Variants in MTG1 observed in about 807,000 individuals in gnomAD.
MTG1 encodes mitochondrial ribosome-associated GTPase 1.
In MTG1, 30 loss-of-function variants were observed where a neutral mutation model predicts 39.5. The observed-to-expected ratio is 0.76, with a 90% CI of 0.57 to 1.03. MTG1 has a LOEUF of 1.03. Ranked by LOEUF, MTG1 falls within the 50% of genes least tolerant of loss-of-function variation. The pLI, the probability that MTG1 is intolerant of heterozygous loss-of-function variation, is 0.00. For synonymous variants in MTG1, 217 were observed against 179.0 expected, an observed-to-expected ratio of 1.21 and a Z score of -1.69; for missense variants, 513 against 447.4, an observed-to-expected ratio of 1.15 and a Z score of -1.32.
chr10:133,398,394 C>T (rs778280316), intron 3 of MTG1, 41 bp from the exon 4 acceptor site: 5 of 1,596,608 alleles, frequency 3.1e-6, no homozygotes, highest in South Asian at 1.1e-5. Context: ...AGCCAAGACT[C>T]CAGTAAAAAA....
intron 1 of MTG1, 154 bp downstream of exon 1, chr10:133,394,486 C>A (rs1375402431): frequency 1.5e-6 from 2 of 1,336,474 alleles, no homozygotes; most frequent in East Asian, 6.3e-5. Context: ...CGCTCTCACC[C>A]GCTCCCGGAG....
At chr10:133,398,370 A>G (rs1220679245) in intron 3 of MTG1, 65 bp from the exon 4 acceptor site, 3 of 1,539,654 alleles carry the variant, frequency 1.9e-6, no homozygotes, top group Admixed American at 1.8e-5. Context: ...ACTGCACTCC[A>G]GCCTGGGTGA....
At chr10:133,406,187 G>A (rs150433701) in intron 9 of MTG1, among the ~76,000 whole-genome samples, 1 of 151,760 alleles carries the variant, frequency 6.6e-6, no homozygotes, top group African/African-American at 2.4e-5. Context: ...TAGTTATGTG[G>A]TTTTTTTTGC....
At chr10:133,399,694 T>G (rs1849844000) in intron 6 of MTG1, 75 bp downstream of exon 6, 4 of 1,483,300 alleles carry the variant, frequency 2.7e-6, no homozygotes, top group Non-Finnish European at 3.7e-6. Flanking sequence ...CCACCATCTT[T>G]CTTGGAGGGG....
chr10:133,417,609 G>C (rs1850150106), intron 9 of MTG1, among the ~76,000 whole-genome samples: 1 of 151,900 alleles, frequency 6.6e-6, no homozygotes, highest in South Asian at 2.1e-4. Context: ...CAGATGACAT[G>C]ATTGTATATC....
chr10:133,394,648 T>C (rs1849754031), intron 1 of MTG1: 2 of 1,206,368 alleles, frequency 1.7e-6, no homozygotes, highest in Non-Finnish European at 2.1e-6. Flanking sequence ...TCTGCCCTTT[T>C]AATCCCCCGA....
intron 9 of MTG1, among the ~76,000 whole-genome samples, chr10:133,414,328 C>G (rs1009549039): frequency 1.3e-5 from 2 of 151,830 alleles, no homozygotes; most frequent in African/African-American, 4.9e-5. Context: ...TCTACACAGA[C>G]ACGGCAACCA....
chr10:133,396,052 C>G (rs1395172794), intron 2 of MTG1, 111 bp from the exon 3 acceptor site: 2 of 1,036,280 alleles, frequency 1.9e-6, no homozygotes, highest in East Asian at 4.8e-5. Flanking sequence ...GGCTTTTCTC[C>G]TGTACTTGAG....
intron 9 of MTG1, among the ~76,000 whole-genome samples, chr10:133,414,790 G>A (rs1247566432): frequency 1.8e-4 from 28 of 152,320 alleles, no homozygotes; most frequent in African/African-American, 6.3e-4. Flanking sequence ...CTGCAATCTC[G>A]GCACTTTGGG....
chr10:133,418,040 C>T (rs960094851), intron 9 of MTG1, among the ~76,000 whole-genome samples: 4 of 152,164 alleles, frequency 2.6e-5, no homozygotes, highest in Non-Finnish European at 4.4e-5. Flanking sequence ...CACTCTGTCG[C>T]CCAGCCAGGC....
At chr10:133,404,169 C>T (rs1849933655) in intron 9 of MTG1, among the ~76,000 whole-genome samples, 2 of 123,198 alleles carry the variant, frequency 1.6e-5, no homozygotes, top group Non-Finnish European at 3.2e-5. Flanking sequence ...TCTCAGTTAC[C>T]CAGGCTGAAG....
At position 133,419,611 on chromosome 10, in the gene MTG1, G is replaced by A. The variant is rs1316061018; in HGVS notation, c.865+19G>A. 1 of 1,570,230 alleles carries A rather than the reference G, an allele frequency of 6.4e-7. No individual in the cohort carries two copies. Among genetic ancestry groups the A allele is most frequent in the South Asian group, 1.2e-5 (1 of 86,244 alleles). ...GGCACGGGTGAGTGAGGTCGCTGAT[G>A]CGGGCACCGGAGCCTCACCCCATCA... On this transcript the variant is annotated intron_variant, in intron 10 of 10. Coordinates refer to ENST00000317502, the MANE Select transcript of MTG1 (RefSeq NM_138384.4).
chr10:133,419,408 A>G, intron 9 of MTG1, 72 bp from the exon 10 acceptor site: 27 of 1,331,974 alleles, frequency 2.0e-5, no homozygotes, highest in Non-Finnish European at 2.7e-5. Context: ...ATTCAGGAGG[A>G]AGGGCCCGGC....
intron 3 of MTG1, 59 bp downstream of exon 3, chr10:133,396,326 T>C (rs1237798278): frequency 2.1e-6 from 3 of 1,447,058 alleles, no homozygotes; most frequent in Non-Finnish European, 2.9e-6. Flanking sequence ...CGAGGTCGCT[T>C]GTTCTAACGG....
chr10:133,399,450 C>T (rs1159803170), intron 5 of MTG1, 79 bp from the exon 6 acceptor site: 1 of 1,454,804 alleles, frequency 6.9e-7, no homozygotes, highest in East Asian at 2.3e-5. Context: ...CCTGGGGTCC[C>T]CTTGCCTGGG....
At chr10:133,408,034 C>T (rs977191692) in intron 9 of MTG1, among the ~76,000 whole-genome samples, 17 of 152,216 alleles carry the variant, frequency 1.1e-4, no homozygotes, top group Non-Finnish European at 1.5e-5. Flanking sequence ...TTGACTTCTT[C>T]CTCTCCAATT....
chr10:133,402,816 G>T lies in MTG1; in HGVS notation c.752+43G>T. The stretch of plus-strand genomic sequence containing the variant: ...AGGGCAGCTGGGGCCCCTCCTCCTA[G>T]TCACCTCATTTAAAAAAAAAAAACA... On this transcript the variant is annotated intron_variant, in intron 9 of 10. Coordinates refer to ENST00000317502, the MANE Select transcript of MTG1 (RefSeq NM_138384.4). This position sits in a 1 kb window ranked among gnomAD's most constrained non-coding sequence, Gnocchi z 4.7. The T allele has an allele frequency of 1.4e-6, 2 of 1,379,762 alleles. No individual in the cohort carries two copies. The highest frequency in any genetic ancestry group is 2.0e-6 in the Non-Finnish European group (2 of 1,011,060). The allele number at this position is 1,379,762 out of a possible 1,614,324, so 85.5% of individuals were successfully genotyped here. A position where few individuals can be genotyped will look rare whatever the true frequency, so the allele number is the denominator to read the frequency against.
rs1035169334 is a variant in MTG1 at position 133,402,661 on chromosome 10, C to A, written c.671-31C>A. ...GGCAGGAACATAGATGTGGCTGTTT[C>A]CAGTGCTCACCTCGGCTGCTGCTTC... On this transcript the variant is annotated intron_variant, in intron 8 of 10. Transcript: ENST00000317502. The surrounding 1 kb of genome is among the most constrained non-coding windows in gnomAD (Gnocchi z 4.7). 2.5e-6 allele frequency: 4 copies of A among 1,572,566 alleles called. No individual in the cohort carries two copies. The highest frequency in any genetic ancestry group is 1.3e-5 in the African/African-American group (1 of 74,168).
intron 9 of MTG1, among the ~76,000 whole-genome samples, chr10:133,412,222 G>A (rs905748945): frequency 7.9e-5 from 12 of 152,122 alleles, no homozygotes; most frequent in African/African-American, 2.9e-4. Context: ...CTTTGAGAGG[G>A]TGAGGGAAGC....
Sources: gnomAD v4.1 joint callset for allele counts (sites outside exome capture counted in the v4.1 genomes callset) on GRCh38, gnomAD v4.1.1 for gene constraint, Gnocchi (gnomAD v3.1) non-coding constraint, MANE v1.5 for transcripts, NCBI Gene and HGNC (gene_info 2026-07-23, HGNC 2026-07-21) for gene names.